Variants in AASS observed in about 807,000 individuals in gnomAD.
AASS encodes the protein aminoadipate-semialdehyde synthase.
Under a neutral mutation model 105.4 loss-of-function variants are expected in AASS, and 86 were observed. The ratio of observed to expected loss-of-function variants is 0.82; its 90% confidence interval spans 0.69 to 0.98. The LOEUF (loss-of-function observed/expected upper bound fraction) is 0.98. Among genes scored for constraint, AASS ranks in the 50% least tolerant of loss-of-function variants. The probability of loss-of-function intolerance (pLI) is 0.00; values close to 1 mark genes in which losing one functional copy is unlikely to be tolerated. For synonymous variants in AASS, 381 were observed against 394.8 expected (o/e 0.96, Z 0.41); for missense variants, 1,048 against 1,143.2 (o/e 0.92, Z 1.20).
In AASS at chr7:122,133,672, C is replaced by A; in HGVS notation, c.55G>T (p.Gly19Cys). The A allele has an allele frequency of 3.1e-6, 5 of 1,614,108 alleles. No homozygotes were observed. The highest frequency in any genetic ancestry group is 4.2e-6 in the Non-Finnish European group (5 of 1,180,036). Residue 19 changes from glycine to cysteine, a missense_variant, in exon 2 of 24, where the codon GGT (glycine) becomes TGT (cysteine). Transcript: ENST00000417368. ...LGRLGVSLSK[G>C]LHHKAVLAVR... ...GCCAACACAGCTTTGTGGTGAAGACCCTTGGAGAGGCTGACCCCCAGCCTG... is the reference window on the plus strand; with the variant it reads ...GCCAACACAGCTTTGTGGTGAAGACACTTGGAGAGGCTGACCCCCAGCCTG...
chr7:122,087,535 A>C (rs868514813), intron 18 of AASS, among the ~76,000 whole-genome samples: 23 of 152,292 alleles, frequency 1.5e-4, no homozygotes, highest in African/African-American at 5.5e-4. Context: ...CAGTTTATTT[A>C]ATAGAATTCT....
chr7:122,080,007 T>C (rs1793234175), intron 20 of AASS, among the ~76,000 whole-genome samples: 1 of 152,182 alleles, frequency 6.6e-6, no homozygotes, highest in Non-Finnish European at 1.5e-5. Context: ...TGTCTTTGTA[T>C]ATCCTCTCTA....
chr7:122,105,018 C>A (rs1794601152), intron 11 of AASS, among the ~76,000 whole-genome samples: 1 of 151,960 alleles, frequency 6.6e-6, no homozygotes, highest in South Asian at 2.1e-4. Context: ...CATAGGCTTT[C>A]ATCCCTCAAA....
intron 19 of AASS, chr7:122,082,741 G>A (rs1476542652): frequency 2.7e-5 from 29 of 1,054,576 alleles, no homozygotes; most frequent in Non-Finnish European, 3.7e-5. Context: ...TAGGTGCTAG[G>A]TTAGAGGAAA....
At chr7:122,087,399 T>A (rs1287550773) in intron 18 of AASS, among the ~76,000 whole-genome samples, 1 of 152,202 alleles carries the variant, frequency 6.6e-6, no homozygotes, top group Non-Finnish European at 1.5e-5. Context: ...ATTTAAAATT[T>A]CAAAAGTGAA....
At position 122,091,975 on chromosome 7, in the gene AASS, C is replaced by G. The variant is rs538490954; in HGVS notation, c.1876-132G>C. The G allele has an allele frequency of 4.6e-6, 3 of 645,196 alleles. No homozygotes were observed. In the African/African-American group the frequency reaches 5.5e-5, roughly 12 times the overall value. 40.0% of individuals were successfully genotyped at this position (645,196 alleles called of 1,614,324 possible). A position where few individuals can be genotyped will look rare whatever the true frequency, so the allele number is the denominator to read the frequency against. On this transcript the variant is annotated intron_variant, in intron 17 of 23. Transcript: ENST00000417368. ...TCATTCTTAAAGTTACTAAGGCATT[C>G]AAAAATACATCTTCAAAGCATGTAC...
intron 4 of AASS, among the ~76,000 whole-genome samples, chr7:122,121,379 T>C (rs1795433959): frequency 1.3e-5 from 2 of 152,198 alleles, no homozygotes; most frequent in African/African-American, 4.8e-5. Context: ...TTTGAAACTA[T>C]CAATTATCTT....
At chr7:122,128,591 T>G (rs1002546270) in intron 3 of AASS, among the ~76,000 whole-genome samples, 9 of 152,180 alleles carry the variant, frequency 5.9e-5, no homozygotes, top group Non-Finnish European at 1.3e-4. Flanking sequence ...CTCCTCCCAC[T>G]AGAATGTAAG....
intron 18 of AASS, among the ~76,000 whole-genome samples, chr7:122,088,243 TAGAG>T (rs1410826759): frequency 4.6e-5 from 7 of 152,042 alleles, no homozygotes; most frequent in African/African-American, 1.4e-4. Flanking sequence ...ATCTCCCAAG[TAGAG>T]AGAATCACTG....
chr7:122,081,809 G>A, intron 19 of AASS: 4 of 547,210 alleles, frequency 7.3e-6, no homozygotes, highest in Non-Finnish European at 1.3e-5. Flanking sequence ...AAGTATTGAG[G>A]ATATAGATAC....
intron 4 of AASS, among the ~76,000 whole-genome samples, chr7:122,122,418 C>T (rs1454859508): frequency 2.6e-5 from 4 of 152,086 alleles, no homozygotes; most frequent in Non-Finnish European, 5.9e-5. Context: ...GGAAAACAAG[C>T]CTTAAGAGAA....
intron 10 of AASS, 125 bp downstream of exon 10, chr7:122,113,473 G>T: frequency 1.6e-6 from 2 of 1,248,506 alleles, no homozygotes; most frequent in African/African-American, 1.5e-5. Context: ...CCAAATTTTA[G>T]TATGTTTGAG....
rs535209071 is a variant in AASS at position 122,076,160 on chromosome 7, C to T, written c.*329G>A. On this transcript the variant is annotated 3_prime_UTR_variant, in exon 24 of 24. Transcript: ENST00000417368. ...CTGCACTCCAGCCTGGGTGACAGAG[C>T]GAGACTCCATCTCAAAAAACAACAA... is the stretch of plus-strand genomic sequence containing the variant. The T allele has an allele frequency of 1.6e-4, 45 of 289,880 alleles. No individual in the cohort carries two copies. The highest frequency in any genetic ancestry group is 4.8e-4 in the East Asian group (5 of 10,422). 18.0% of individuals were successfully genotyped at this position (289,880 alleles called of 1,614,324 possible).
At chr7:122,137,065 C>A (rs576670683) in intron 1 of AASS, among the ~76,000 whole-genome samples, 45 of 152,316 alleles carry the variant, frequency 3.0e-4, no homozygotes, top group African/African-American at 1.1e-3. Context: ...TCACTTTTTG[C>A]ATGGAAGGCT....
intron 11 of AASS, among the ~76,000 whole-genome samples, chr7:122,107,890 G>GT (rs971178566): frequency 2.9e-5 from 4 of 136,788 alleles, no homozygotes; most frequent in Admixed American, 7.9e-5. Flanking sequence ...GAACCTAAAA[G>GT]TTTTTTTTAA....
intron 11 of AASS, among the ~76,000 whole-genome samples, chr7:122,111,713 C>T (rs1209059424): frequency 2.6e-5 from 4 of 151,934 alleles, no homozygotes; most frequent in African/African-American, 7.3e-5. Context: ...ACCAGCCTGG[C>T]CAACATGGTG....
chr7:122,118,130 T>C (rs1055392086), intron 6 of AASS, among the ~76,000 whole-genome samples, 177 bp downstream of exon 6: 8 of 151,938 alleles, frequency 5.3e-5, no homozygotes. Context: ...CATACACACA[T>C]ACACACATAT....
At chr7:122,109,809 A>C (rs1345142022) in intron 11 of AASS, among the ~76,000 whole-genome samples, 1 of 152,064 alleles carries the variant, frequency 6.6e-6, no homozygotes, top group Non-Finnish European at 1.5e-5. Flanking sequence ...GACAAATGGA[A>C]TTACATCAAA....
intron 4 of AASS, among the ~76,000 whole-genome samples, chr7:122,120,892 C>A (rs1472397542): frequency 6.6e-6 from 1 of 151,958 alleles, no homozygotes; most frequent in Non-Finnish European, 1.5e-5. Context: ...TAGGTCAATT[C>A]TATTACAGTC....
Sources: gnomAD v4.1 joint callset for allele counts (sites outside exome capture counted in the v4.1 genomes callset) on GRCh38, gnomAD v4.1.1 for gene constraint, MANE v1.5 for transcripts, NCBI Gene and HGNC (gene_info 2026-07-23, HGNC 2026-07-21) for gene names.